Variants in OR4K17 observed in about 807,000 individuals in gnomAD.
The protein encoded by OR4K17 is olfactory receptor 4K17.
For missense variants in OR4K17, 480 were observed against 366.3 expected (o/e 1.31, Z -2.53); for synonymous variants, 157 against 132.8 (o/e 1.18, Z -1.25).
intron 1 of OR4K17, among the ~76,000 whole-genome samples, chr14:20,116,459 TG>T (rs1877994699): frequency 6.6e-6 from 1 of 152,132 alleles, no homozygotes; most frequent in Non-Finnish European, 1.5e-5. Flanking sequence ...GGCTCCAGTA[TG>T]GGGGCTGTTG....
Position 20,118,157 on chromosome 14 carries a change from C to T in OR4K17, c.658C>T (p.Leu220=), listed in dbSNP as rs745951508. 5.0e-6 allele frequency: 8 copies of T among 1,614,154 alleles called. No homozygotes were observed. Among genetic ancestry groups the T allele is most frequent in the South Asian group, 4.4e-5 (4 of 91,084 alleles). The part of the protein sequence containing the change: ...CFIILLISYS[L]ILITIKNHSP... ...CATTATTTTGCTTATCTCCTACAGT[C>T]TGATCCTCATAACCATTAAGAACCA... The change falls in exon 2 of 2, where the codon CTG becomes TTG. Residue 220 remains leucine, a synonymous_variant. Transcript: ENST00000641386.
intron 1 of OR4K17, among the ~76,000 whole-genome samples, chr14:20,111,299 G>A (rs1433813599): frequency 6.6e-6 from 1 of 152,006 alleles, no homozygotes; most frequent in East Asian, 1.9e-4. Context: ...TATAAGGGTA[G>A]TACTATGAGG....
At chr14:20,116,489 G>C (rs895216638) in intron 1 of OR4K17, among the ~76,000 whole-genome samples, 1 of 152,138 alleles carries the variant, frequency 6.6e-6, no homozygotes, top group African/African-American at 2.4e-5. Context: ...CACCAGATCA[G>C]TGTTATGTAA....
chr14:20,114,060 T>A (rs1012026955), intron 1 of OR4K17, among the ~76,000 whole-genome samples: 1 of 152,018 alleles, frequency 6.6e-6, no homozygotes, highest in African/African-American at 2.4e-5. Context: ...TGTCTCTGTT[T>A]CTATGAATGA....
In OR4K17 at chr14:20,120,278, G is replaced by A. The variant is rs1315782811; in HGVS notation, c.*1840G>A. 1.3e-5 allele frequency: 2 copies of A among 152,146 alleles called. No individual in the cohort carries two copies. The highest frequency in any genetic ancestry group is 2.9e-5 in the Non-Finnish European group (2 of 68,014). The allele number at this position is 152,146 out of a possible 1,614,324, so 9.4% of individuals were successfully genotyped here. ...ATATGCAGTGTCTCCTAAGAAACCA[G>A]TAATTCAGACTTTCCATATCTACCT... is the stretch of plus-strand genomic sequence containing the variant. On this transcript the variant is annotated 3_prime_UTR_variant, in exon 2 of 2. Transcript: ENST00000641386.
chr14:20,115,166 T>C (rs1877959354), intron 1 of OR4K17, among the ~76,000 whole-genome samples: 1 of 152,156 alleles, frequency 6.6e-6, no homozygotes, highest in East Asian at 1.9e-4. Context: ...TTTCACTTTC[T>C]TTGTTTACAG....
chr14:20,110,890 C>G lies in OR4K17; in HGVS notation c.-35C>G, dbSNP rs1877869666. On this transcript the variant is annotated splice_region_variant and 5_prime_UTR_variant, in exon 1 of 2. Transcript: ENST00000641386. ...ACCCATGGCCCTGACTTCTTCTGAA[C>G]TGGTAAGCAGAAGACATTGCTGACA... 6.6e-6 allele frequency: 1 copy of G among 152,006 alleles called. No individual in the cohort carries two copies. Among genetic ancestry groups the G allele is most frequent in the African/African-American group, 2.4e-5 (1 of 41,398 alleles). The allele number at this position is 152,006 out of a possible 1,614,324, so 9.4% of individuals were successfully genotyped here.
rs1878036057 is a variant in OR4K17, at chr14:20,117,735, C to T, written c.236C>T (p.Pro79Leu). 1 of 1,614,054 alleles carries T rather than the reference C, an allele frequency of 6.2e-7. No homozygotes were observed. The highest frequency in any genetic ancestry group is 1.3e-5 in the African/African-American group (1 of 75,018). ...VDMTLASFAT[P>L]KVILNLLKKQ... ...ATGACCCTTGCTTCTTTTGCCACCC[C>T]TAAGGTGATTCTGAACTTGTTAAAA... The change falls in exon 2 of 2, where the codon CCT (proline) becomes CTT (leucine). Residue 79 changes from proline to leucine, a missense_variant. Physicochemically the swap from Pro to Leu is moderately conservative, Grantham distance 98 (BLOSUM62 -3). Transcript: ENST00000641386.
chr14:20,117,987 C>T lies in OR4K17; in HGVS notation c.488C>T (p.Ala163Val), dbSNP rs1366841502. The change falls in exon 2 of 2, where the codon GCT (alanine) becomes GTT (valine). Residue 163 changes from alanine to valine, a missense_variant. By Grantham distance (64) the Ala-to-Val change is moderately conservative. Coordinates refer to ENST00000641386, the MANE Select transcript of OR4K17 (RefSeq NM_001004715.5). ...CACTCAGGGTTTCAGATACCATTTG[C>T]TGTGAACTTGCCCTTTTGTGGTCCC... ...LLHSGFQIPFAVNLPFCGPNV... is the reference protein window; with the variant it reads ...LLHSGFQIPFVVNLPFCGPNV... The T allele has an allele frequency of 1.8e-5, 29 of 1,614,008 alleles. No homozygotes were observed. Among genetic ancestry groups the T allele is most frequent in the Non-Finnish European group, 2.4e-5 (28 of 1,180,034 alleles).
chr14:20,112,717 G>A (rs967345465), intron 1 of OR4K17, among the ~76,000 whole-genome samples: 1 of 152,044 alleles, frequency 6.6e-6, no homozygotes, highest in Non-Finnish European at 1.5e-5. Flanking sequence ...CAATACATCT[G>A]TCGAGGTGAG....
rs1878077537 is a variant in OR4K17 at position 20,118,513 on chromosome 14, G to C, written c.*75G>C. On this transcript the variant is annotated 3_prime_UTR_variant, in exon 2 of 2. Coordinates refer to ENST00000641386, the MANE Select transcript of OR4K17 (RefSeq NM_001004715.5). ...CCCCACACTTTGGGAGGAATATCAG[G>C]GGAACCAGCCCCCAATATTTCAACA... is the stretch of plus-strand genomic sequence containing the variant. 4 of 809,222 alleles carry C rather than the reference G, an allele frequency of 4.9e-6. No homozygotes were observed. In the South Asian group the frequency reaches 5.4e-5, roughly 11 times the overall value. The allele number at this position is 809,222 out of a possible 1,614,324, so 50.1% of individuals were successfully genotyped here.
Position 20,118,004 on chromosome 14 carries a change from T to G in OR4K17, c.505T>G (p.Cys169Gly). 1 of 1,614,194 alleles carries G rather than the reference T, an allele frequency of 6.2e-7. No individual in the cohort carries two copies. The highest frequency in any genetic ancestry group is 8.5e-7 in the Non-Finnish European group (1 of 1,180,020). The stretch of plus-strand genomic sequence containing the variant: ...ACCATTTGCTGTGAACTTGCCCTTT[T>G]GTGGTCCCAATGTGGTAGACAGCAT... ...QIPFAVNLPF[C>G]GPNVVDSIFC... is the part of the protein sequence containing the mutation. The change falls in exon 2 of 2, where the codon TGT (cysteine) becomes GGT (glycine). Residue 169 changes from cysteine (C) to glycine (G), a missense_variant. Coordinates refer to ENST00000641386, the MANE Select transcript of OR4K17 (RefSeq NM_001004715.5).
Position 20,117,601 on chromosome 14 carries a change from C to G in OR4K17, c.102C>G (p.Ile34Met), listed in dbSNP as rs1878027285. 1 of 1,613,880 alleles carries G rather than the reference C, an allele frequency of 6.2e-7. No homozygotes were observed. Among genetic ancestry groups the G allele is most frequent in the Non-Finnish European group, 8.5e-7 (1 of 1,179,968 alleles). The change falls in exon 2 of 2, where the codon ATC becomes ATG. Residue 34 changes from isoleucine to methionine, a missense_variant. Ile to Met is a conservative substitution (Grantham distance 10). Coordinates refer to ENST00000641386, the MANE Select transcript of OR4K17 (RefSeq NM_001004715.5). ...TTCTCTTTGCCCTCTTCTCGGTTATCTATGTGGTCACAGTTTTGGGTAACC... is the reference window on the plus strand; with the variant it reads ...TTCTCTTTGCCCTCTTCTCGGTTATGTATGTGGTCACAGTTTTGGGTAACC... ...EFLLFALFSV[I>M]YVVTVLGNLL...
rs1359341489 is a variant in OR4K17, at chr14:20,118,062, C to T, written c.563C>T (p.Ala188Val). 5 of 1,614,094 alleles carry T rather than the reference C, an allele frequency of 3.1e-6. No individual in the cohort carries two copies. In the South Asian group the frequency reaches 4.4e-5, roughly 14 times the overall value. The part of the protein sequence containing the change: ...FCDLPLVTKL[A>V]CIDIYFVQVV... ...GACCTCCCTTTGGTTACTAAGCTTG[C>T]CTGTATAGACATATATTTTGTACAG... The change falls in exon 2 of 2, where the codon GCC becomes GTC. Residue 188 changes from alanine (A) to valine (V), a missense_variant. Physicochemically the swap from Ala to Val is moderately conservative, Grantham distance 64. Transcript: ENST00000641386.
Position 20,117,506 on chromosome 14 carries a change from CTA to C in OR4K17, c.9_10del (p.Leu4LysfsTer38). The C allele has an allele frequency of 6.2e-7, 1 of 1,613,804 alleles. No homozygotes were observed. The highest frequency in any genetic ancestry group is 8.5e-7 in the Non-Finnish European group (1 of 1,179,798). On this transcript the variant is annotated frameshift_variant, in exon 2 of 2. Coordinates refer to ENST00000641386, the MANE Select transcript of OR4K17 (RefSeq NM_001004715.5). LOFTEE classifies it low-confidence loss of function (END_TRUNC). Reference protein sequence around the residue: MKLLNQSQVSEFI... With the variant: MKXLNQSQVSEFI... ...GAGCTGTAGGATGGAGGCCATGAAA[CTA>C]TTAAATCAATCTCAAGTGTCAGAAT...
intron 1 of OR4K17, among the ~76,000 whole-genome samples, chr14:20,112,919 G>T (rs1877911804): frequency 6.6e-6 from 1 of 152,104 alleles, no homozygotes; most frequent in Admixed American, 6.6e-5. Context: ...AATTAAACTT[G>T]TATTATGCAA....
chr14:20,113,272 T>A (rs2139053117), intron 1 of OR4K17, among the ~76,000 whole-genome samples: 1 of 152,140 alleles, frequency 6.6e-6, no homozygotes, highest in Non-Finnish European at 1.5e-5. Context: ...TCATCCAACA[T>A]TTTCTTTTTT....
rs1051537784 is a variant in OR4K17 at position 20,120,898 on chromosome 14, C to T, written c.*2460C>T. The T allele has an allele frequency of 4.6e-5, 7 of 152,300 alleles. No individual in the cohort carries two copies. Among genetic ancestry groups the T allele is most frequent in the African/African-American group, 1.4e-4 (6 of 41,470 alleles). 9.4% of individuals were successfully genotyped at this position (152,300 alleles called of 1,614,324 possible). On this transcript the variant is annotated 3_prime_UTR_variant, in exon 2 of 2. Coordinates refer to ENST00000641386, the MANE Select transcript of OR4K17 (RefSeq NM_001004715.5). ...AAAGAGATAGAAAGGACTTTAGCAG[C>T]CCTAGCCACCAAAGACCACAACAAT...
rs1594195674 is a variant in OR4K17 at position 20,117,542 on chromosome 14, C to A, written c.43C>A (p.Leu15Met). 6.2e-7 allele frequency: 1 copy of A among 1,613,906 alleles called. No homozygotes were observed. The highest frequency in any genetic ancestry group is 8.5e-7 in the Non-Finnish European group (1 of 1,179,900). Reference sequence around the variant, plus strand: ...ATCTCAAGTGTCAGAATTCATTTTGCTGGGACTGACCAGCTCCCAGGATGT... The same window carrying A: ...ATCTCAAGTGTCAGAATTCATTTTGATGGGACTGACCAGCTCCCAGGATGT... ...NQSQVSEFIL[L>M]GLTSSQDVEF... The change falls in exon 2 of 2, where the codon CTG becomes ATG. Residue 15 changes from leucine to methionine, a missense_variant. Coordinates refer to ENST00000641386, the MANE Select transcript of OR4K17 (RefSeq NM_001004715.5).
Sources: gnomAD v4.1 joint callset for allele counts (sites outside exome capture counted in the v4.1 genomes callset) on GRCh38, gnomAD v4.1.1 for gene constraint, MANE v1.5 for transcripts, NCBI Gene and HGNC (gene_info 2026-07-23, HGNC 2026-07-21) for gene names.